Variants in OLFM1 observed in about 807,000 individuals in gnomAD.
OLFM1 encodes noelin.
A neutral mutation model predicts 49.7 loss-of-function variants in OLFM1; 9 were observed. The observed-to-expected ratio is 0.18, with a 90% confidence interval of 0.11 to 0.32. The LOEUF (loss-of-function observed/expected upper bound fraction) is 0.32. OLFM1 is among the 10% of genes least tolerant of loss of function. The pLI is 1.00. For missense variants in OLFM1, 369 were observed against 661.8 expected (o/e 0.56, Z 4.85); for synonymous variants, 240 against 271.8 (o/e 0.88, Z 1.15).
chr9:135,106,256 G>A (rs1317568810), intron 4 of OLFM1: 4 of 154,448 alleles, frequency 2.6e-5, no homozygotes, highest in African/African-American at 9.6e-5. Context: ...GCTCCATCGT[G>A]GGACAGGGCC....
At chr9:135,087,337 C>T (rs1830610854), upstream of OLFM1, 10 of 1,540,766 alleles carry the variant, frequency 6.5e-6, no homozygotes, top group African/African-American at 1.4e-5. Flanking sequence ...AAAGCGGACC[C>T]TCTGCGGGGA....
upstream of OLFM1, among the ~76,000 whole-genome samples, chr9:135,083,465 C>T (rs7046695): frequency 2.0e-5 from 3 of 152,048 alleles, no homozygotes; most frequent in Non-Finnish European, 4.4e-5. Flanking sequence ...GAGCTGGACA[C>T]GAGGCCAACT....
chr9:135,098,167 A>C lies in OLFM1; in HGVS notation c.457-119A>C, dbSNP rs1747255473. The stretch of plus-strand genomic sequence containing the variant: ...TAACTCATTTGGACCAGAACAAATA[A>C]GCCTGTAAATAAAGCGGGAATATAC... On this transcript the variant is annotated intron_variant, in intron 3 of 5. Transcript: ENST00000371793. This position sits in a 1 kb window ranked among gnomAD's most constrained non-coding sequence, Gnocchi z 5.6. 2.1e-6 allele frequency: 3 copies of C among 1,456,942 alleles called. No homozygotes were observed. Among genetic ancestry groups the C allele is most frequent in the Admixed American group, 5.1e-5 (2 of 39,264 alleles). The allele number at this position is 1,456,942 out of a possible 1,614,324, so 90.3% of individuals were successfully genotyped here. A position where few individuals can be genotyped will look rare whatever the true frequency, so the allele number is the denominator to read the frequency against.
intron 1 of OLFM1, among the ~76,000 whole-genome samples, 159 bp from the exon 2 acceptor site, chr9:135,090,036 T>G (rs756641966): frequency 5.9e-5 from 9 of 152,198 alleles, no homozygotes; most frequent in Non-Finnish European, 1.0e-4. Context: ...CCAGGGACCC[T>G]TTCTTCCCTT....
Position 135,119,719 on chromosome 9 carries a change from C to G in OLFM1, c.999C>G (p.Thr333=). 1 of 1,614,134 alleles carries G rather than the reference C, an allele frequency of 6.2e-7. No individual in the cohort carries two copies. ...TGAAGACAGAGACCATCCTCAAGAC[C>G]CGCAGCCTGGACTATGCCGGTTACA... The part of the protein sequence containing the change: ...FDLKTETILK[T]RSLDYAGYNN... The change falls in exon 6 of 6, where the codon ACC becomes ACG. Residue 333 remains threonine (T), a synonymous_variant. Transcript: ENST00000371793.
In OLFM1 at chr9:135,088,352, C is replaced by T. The variant is rs1016974695; in HGVS notation, c.150+213C>T. 6.6e-6 allele frequency among the ~76,000 whole-genome samples: 1 copy of T among 151,938 alleles called. No homozygotes were observed. The highest frequency in any genetic ancestry group is 1.5e-5 in the Non-Finnish European group (1 of 67,964). On this transcript the variant is annotated intron_variant, in intron 1 of 5. Transcript: ENST00000371793. The surrounding 1 kb of genome is among the most constrained non-coding windows in gnomAD (Gnocchi z 4.8). The stretch of plus-strand genomic sequence containing the variant: ...CCCCCAGCCTGGGCCACTCCATCTC[C>T]GCCCGCGCGCCCCTGGGGCGGCGTT...
At chr9:135,090,790 T>C (rs1010808461) in intron 2 of OLFM1, among the ~76,000 whole-genome samples, 6 of 152,150 alleles carry the variant, frequency 3.9e-5, no homozygotes, top group African/African-American at 1.4e-4. Flanking sequence ...CAGGAATGCA[T>C]GGCCATTTGG....
chr9:135,081,020 G>A (rs184763159), intron 1 of OLFM1, among the ~76,000 whole-genome samples: 1 of 152,050 alleles, frequency 6.6e-6, no homozygotes, highest in Admixed American at 6.5e-5. Context: ...GTAAGAAACT[G>A]GAGCCCGCCC....
intron 5 of OLFM1, among the ~76,000 whole-genome samples, chr9:135,108,125 T>C (rs1462724136): frequency 2.0e-5 from 3 of 152,216 alleles, no homozygotes; most frequent in Admixed American, 6.5e-5. Flanking sequence ...TGGGTGTTTG[T>C]CAGGGAGGTT....
intron 5 of OLFM1, among the ~76,000 whole-genome samples, chr9:135,108,527 G>A (rs549042294): frequency 3.3e-5 from 5 of 152,138 alleles, no homozygotes; most frequent in Admixed American, 2.0e-4. Context: ...CAGCGACTCC[G>A]GAGGCTGAGG....
At chr9:135,086,123 G>A (rs1010135042), upstream of OLFM1, among the ~76,000 whole-genome samples, 10 of 152,172 alleles carry the variant, frequency 6.6e-5, no homozygotes, top group African/African-American at 1.4e-4. Flanking sequence ...GCCTTGAATC[G>A]GTGTTAAACA....
rs79969565 is a variant in OLFM1 at position 135,103,748 on chromosome 9, C to A, written c.677-3001C>A. ...TTTCTGCACATCCTCAGGCTGAATC[C>A]CCAGTGATGCCTCCTGACCTCTGTG... On this transcript the variant is annotated intron_variant, in intron 4 of 5. Transcript: ENST00000371793. 2.5e-3 allele frequency among the ~76,000 whole-genome samples: 386 copies of A among 152,266 alleles called. 11 individuals carry two copies. In the South Asian group the frequency reaches 0.056, roughly 22 times the overall value.
At chr9:135,087,306 T>C, upstream of OLFM1, 2 of 1,515,184 alleles carry the variant, frequency 1.3e-6, no homozygotes, top group Non-Finnish European at 1.8e-6. Context: ...GCGCCGTCTC[T>C]CTGCCGGCAA....
chr9:135,079,869 G>A (rs775309245), intron 1 of OLFM1, among the ~76,000 whole-genome samples: 6 of 152,016 alleles, frequency 3.9e-5, no homozygotes, highest in Admixed American at 1.3e-4. Flanking sequence ...AGTGGCAACC[G>A]TCACTGTGAC....
upstream of OLFM1, among the ~76,000 whole-genome samples, chr9:135,085,308 C>A (rs1830583522): frequency 2.0e-5 from 3 of 152,226 alleles, no homozygotes; most frequent in Non-Finnish European, 4.4e-5. Flanking sequence ...ACAGCCAGGG[C>A]TGCTGTGGCC....
intron 5 of OLFM1, among the ~76,000 whole-genome samples, chr9:135,107,283 C>T (rs2119130814): frequency 6.6e-6 from 1 of 152,330 alleles, no homozygotes; most frequent in Middle Eastern, 3.4e-3. Flanking sequence ...AATGACATCT[C>T]ATTTGTATTT....
chr9:135,088,028 C>A lies in OLFM1; in HGVS notation c.39C>A (p.Ser13Arg). 1 of 1,455,988 alleles carries A rather than the reference C, an allele frequency of 6.9e-7. No individual in the cohort carries two copies. The highest frequency in any genetic ancestry group is 9.1e-7 in the Non-Finnish European group (1 of 1,094,188). 90.2% of individuals were successfully genotyped at this position (1,455,988 alleles called of 1,614,324 possible). The change falls in exon 1 of 6, where the codon AGC (serine) becomes AGA (arginine). Residue 13 changes from serine (S) to arginine (R), a missense_variant. Ser to Arg is a moderately radical substitution (Grantham distance 110). Coordinates refer to ENST00000371793, the MANE Select transcript of OLFM1 (RefSeq NM_001282611.2). This position sits in a 1 kb window ranked among gnomAD's most constrained non-coding sequence, Gnocchi z 4.8. ...TGCTCAAGATCGGGGTCGTGCTGAG[C>A]ACCATGGCCATGATCACTAACTGGA... ...VPLLKIGVVL[S>R]TMAMITNWMS...
intron 2 of OLFM1, 120 bp from the exon 3 acceptor site, chr9:135,095,744 C>A: frequency 9.8e-7 from 1 of 1,020,772 alleles, no homozygotes; most frequent in Non-Finnish European, 1.5e-6. Context: ...AATGCATGGG[C>A]CACTTCTGGT....
intron 5 of OLFM1, among the ~76,000 whole-genome samples, chr9:135,114,350 C>T (rs1040858468): frequency 2.6e-5 from 4 of 151,984 alleles, no homozygotes; most frequent in East Asian, 1.9e-4. Flanking sequence ...CTCCTGACCT[C>T]GTGATCCGCC....
Sources: allele counts gnomAD v4.1 joint callset (sites outside exome capture counted in the v4.1 genomes callset), GRCh38; gene constraint gnomAD v4.1.1; non-coding constraint Gnocchi (gnomAD v3.1); transcripts MANE v1.5; gene names NCBI Gene and HGNC (gene_info 2026-07-23, HGNC 2026-07-21).